The following ZFAND3 variants were observed in gnomAD, a reference collection of about 807,000 sequenced individuals.
ZFAND3 encodes the protein zinc finger AN1-type containing 3.
A neutral mutation model predicts 29.6 loss-of-function variants in ZFAND3; 10 were observed. The ratio of observed to expected loss-of-function variants is 0.34; its 90% CI spans 0.21 to 0.57. The LOEUF (loss-of-function observed/expected upper bound fraction) is 0.57, where lower values mean the gene tolerates loss of function less well. ZFAND3 is among the 20% of genes least tolerant of loss of function. ZFAND3 has a pLI of 0.86. For missense variants in ZFAND3, 230 were observed against 304.5 expected (o/e 0.76, Z 1.82); for synonymous variants, 128 against 112.6 (o/e 1.14, Z -0.87).
intron 2 of ZFAND3, among the ~76,000 whole-genome samples, chr6:38,041,701 TCCTCCTC>T (rs1763776576): frequency 2.2e-3 from 1 of 448 alleles, no homozygotes; most frequent in African/African-American, 3.4e-3. Flanking sequence ...CTCCTTCTCC[TCCTCCTC>T]CTCCTCCTCC....
intron 1 of ZFAND3, among the ~76,000 whole-genome samples, chr6:37,917,681 A>C (rs1761284790): frequency 6.6e-6 from 1 of 152,170 alleles, no homozygotes; most frequent in Non-Finnish European, 1.5e-5. Context: ...GGAAATGAAT[A>C]TTTTGAACTT....
chr6:38,094,874 AC>A (rs1764945884), intron 4 of ZFAND3, among the ~76,000 whole-genome samples: 1 of 152,168 alleles, frequency 6.6e-6, no homozygotes, highest in African/African-American at 2.4e-5. Flanking sequence ...CATTATACTT[AC>A]TGGTTGATCA....
At chr6:38,041,000 G>A (rs376454268) in intron 2 of ZFAND3, among the ~76,000 whole-genome samples, 46 of 152,110 alleles carry the variant, frequency 3.0e-4, no homozygotes, top group African/African-American at 8.9e-4. Context: ...TTCATTTCTG[G>A]CATTTAGTTA....
intron 2 of ZFAND3, among the ~76,000 whole-genome samples, chr6:38,051,074 T>C (rs1050602378): frequency 1.2e-4 from 18 of 151,928 alleles, no homozygotes; most frequent in Non-Finnish European, 2.2e-4. Context: ...CCTTTGTGAA[T>C]AGAGGGAAGC....
chr6:37,854,016 A>G (rs914512752), intron 1 of ZFAND3, among the ~76,000 whole-genome samples: 7 of 152,000 alleles, frequency 4.6e-5, no homozygotes, highest in African/African-American at 7.3e-5. Flanking sequence ...CAATGGTGCT[A>G]TCTTGGCTCA....
intron 1 of ZFAND3, among the ~76,000 whole-genome samples, chr6:37,908,358 G>A (rs529054195): frequency 6.6e-6 from 1 of 151,926 alleles, no homozygotes; most frequent in Non-Finnish European, 1.5e-5. Flanking sequence ...AATGTAAAAC[G>A]TAAATGTACA....
intron 4 of ZFAND3, among the ~76,000 whole-genome samples, chr6:38,114,906 T>G (rs1193865486): frequency 6.6e-6 from 1 of 152,222 alleles, no homozygotes; most frequent in African/African-American, 2.4e-5. Context: ...CCTGCCCTCT[T>G]GGAGTTTGCT....
chr6:38,004,933 T>C (rs1251355739), intron 2 of ZFAND3, among the ~76,000 whole-genome samples: 1 of 152,174 alleles, frequency 6.6e-6, no homozygotes, highest in African/African-American at 2.4e-5. Flanking sequence ...ACCCAAAATG[T>C]TGAACTAGAA....
At chr6:37,848,921 T>G (rs940105042) in intron 1 of ZFAND3, among the ~76,000 whole-genome samples, 3 of 152,208 alleles carry the variant, frequency 2.0e-5, no homozygotes, top group African/African-American at 7.2e-5. Context: ...AACTTCTATT[T>G]TGTATGGAAC....
chr6:38,100,400 G>C (rs1020536765), intron 4 of ZFAND3, among the ~76,000 whole-genome samples: 1 of 152,166 alleles, frequency 6.6e-6, no homozygotes, highest in Non-Finnish European at 1.5e-5. Context: ...CATATCTTAA[G>C]GTCTTGGTCA....
intron 2 of ZFAND3, among the ~76,000 whole-genome samples, chr6:38,011,262 G>C (rs140023141): frequency 6.1e-4 from 93 of 152,278 alleles, no homozygotes; most frequent in African/African-American, 2.1e-3. Flanking sequence ...AGACCTTTGA[G>C]TACAGGTCTT....
chr6:38,154,381 G>T lies in ZFAND3; in HGVS notation c.*1992G>T, dbSNP rs1766307943. On this transcript the variant is annotated 3_prime_UTR_variant, in exon 6 of 6. Coordinates refer to ENST00000287218, the MANE Select transcript of ZFAND3 (RefSeq NM_021943.3). The stretch of plus-strand genomic sequence containing the variant: ...GCTTCCTGACTTAGAGCTGGGGGGG[G>T]TGGGGGGTGGGGCTTGTTCCCCTGC... The T allele has an allele frequency of 1.2e-5, 7 of 567,626 alleles. No individual in the cohort carries two copies. Among genetic ancestry groups the T allele is most frequent in the Non-Finnish European group, 1.6e-5 (7 of 450,088 alleles). The allele number at this position is 567,626 out of a possible 1,614,324, so 35.2% of individuals were successfully genotyped here.
chr6:37,951,567 C>T lies in ZFAND3; in HGVS notation c.112+21568C>T, dbSNP rs368173629. ...CCGAGATTGTGCCACTGCACTCCAGCCTGGGCGACAGGGAGACTCTGTCTA... is the reference window on the plus strand; with the variant it reads ...CCGAGATTGTGCCACTGCACTCCAGTCTGGGCGACAGGGAGACTCTGTCTA... On this transcript the variant is annotated intron_variant, in intron 2 of 5. Coordinates refer to ENST00000287218, the MANE Select transcript of ZFAND3 (RefSeq NM_021943.3). Among the ~76,000 whole-genome samples, 13 of 152,088 alleles carry T rather than the reference C, an allele frequency of 8.5e-5. No individual in the cohort carries two copies. In the East Asian group the frequency reaches 2.5e-3, roughly 29 times the overall value.
chr6:38,093,875 G>A (rs1162009075), intron 4 of ZFAND3, among the ~76,000 whole-genome samples: 1 of 152,076 alleles, frequency 6.6e-6, no homozygotes, highest in Non-Finnish European at 1.5e-5. Context: ...TTGGTGTGGA[G>A]GTGGTTAAAA....
At chr6:38,151,522 C>G (rs1208352834) in intron 5 of ZFAND3, among the ~76,000 whole-genome samples, 1 of 151,440 alleles carries the variant, frequency 6.6e-6, no homozygotes, top group Non-Finnish European at 1.5e-5. Context: ...GTGTGGGCAT[C>G]TCAACCTCTC....
chr6:38,152,337 T>C lies in ZFAND3; in HGVS notation c.632T>C (p.Leu211Pro). 6.2e-7 allele frequency: 1 copy of C among 1,610,666 alleles called. No individual in the cohort carries two copies. Among genetic ancestry groups the C allele is most frequent in the Non-Finnish European group, 8.5e-7 (1 of 1,178,570 alleles). The change falls in exon 6 of 6, where the codon CTG (leucine) becomes CCG (proline). Residue 211 changes from leucine to proline, a missense_variant. By Grantham distance (98) the Leu-to-Pro change is moderately conservative. This residue lies in a region of ZFAND3 where 50 missense variants were observed against 102.0 expected (regional missense o/e 0.49). Coordinates refer to ENST00000287218, the MANE Select transcript of ZFAND3 (RefSeq NM_021943.3). ...REEAIMKMVK[L>P]DRKVGRSCQR... ...GAAGCCATCATGAAAATGGTGAAGC[T>C]GGACCGGAAAGTGGGGCGCTCCTGC...
intron 5 of ZFAND3, among the ~76,000 whole-genome samples, chr6:38,148,913 A>G (rs1766164830): frequency 6.6e-6 from 1 of 152,218 alleles, no homozygotes; most frequent in Admixed American, 6.5e-5. Context: ...TATGCCATCT[A>G]ATAACCTCAG....
At chr6:38,002,284 TC>T (rs1402905817) in intron 2 of ZFAND3, among the ~76,000 whole-genome samples, 2 of 131,844 alleles carry the variant, frequency 1.5e-5, no homozygotes, top group Non-Finnish European at 3.3e-5. Flanking sequence ...TATTTTCTTT[TC>T]TTTTTTTTTT....
chr6:38,083,922 G>A (rs1394676638), intron 4 of ZFAND3, among the ~76,000 whole-genome samples: 2 of 152,008 alleles, frequency 1.3e-5, no homozygotes, highest in African/African-American at 4.8e-5. Flanking sequence ...TACATTGCCA[G>A]GTATTATTCT....
Sources: gnomAD v4.1 joint callset for allele counts (sites outside exome capture counted in the v4.1 genomes callset) on GRCh38, gnomAD v4.1.1 for gene constraint, gnomAD v4.1.1 regional missense constraint, MANE v1.5 for transcripts, NCBI Gene and HGNC (gene_info 2026-07-23, HGNC 2026-07-21) for gene names.